The following TMEM132C variants were observed in gnomAD, a reference collection of about 807,000 sequenced individuals.
The protein encoded by TMEM132C is transmembrane protein 132C.
TMEM132C carries 29 observed loss-of-function variants against 61.4 expected under a neutral mutation model. The observed-to-expected ratio is 0.47, with a 90% CI of 0.35 to 0.64. The LOEUF is 0.64. Ranked by LOEUF, TMEM132C falls within the 30% of genes least tolerant of loss-of-function variation. The pLI, the probability that TMEM132C is intolerant of heterozygous loss-of-function variation, is 0.00. For missense variants in TMEM132C, 1,408 were observed against 1,476.9 expected (o/e 0.95, Z 0.76); for synonymous variants, 656 against 633.1 (o/e 1.04, Z -0.54).
In TMEM132C at chr12:128,340,916, TTCTCTC is replaced by T. The variant is rs71989914; in HGVS notation, c.85+73453_85+73458del. 8.3e-3 allele frequency among the ~76,000 whole-genome samples: 1,066 copies of T among 128,308 alleles called. 3 individuals carry two copies. Among genetic ancestry groups the T allele is most frequent in the Middle Eastern group, 0.027 (7 of 264 alleles). 84.2% of individuals were successfully genotyped at this position (128,308 alleles called of 152,430 possible). A position where few individuals can be genotyped will look rare whatever the true frequency, so the allele number is the denominator to read the frequency against. On this transcript the variant is annotated intron_variant, in intron 1 of 8. Transcript: ENST00000435159. Reference sequence around the variant, plus strand: ...TTTCTTTCTCTCTTTCTCTCTCTCTTTCTCTCTCTCTCTCTCTCTCTCTCTCTCTTT... The same window carrying T: ...TTTCTTTCTCTCTTTCTCTCTCTCTTTCTCTCTCTCTCTCTCTCTCTCTTT...
At chr12:128,472,759 GGT>G (rs1870994566) in intron 2 of TMEM132C, among the ~76,000 whole-genome samples, 1 of 152,178 alleles carries the variant, frequency 6.6e-6, no homozygotes, top group Non-Finnish European at 1.5e-5. Flanking sequence ...TTTGAGAGCA[GGT>G]GTGCAGGCTC....
intron 4 of TMEM132C, among the ~76,000 whole-genome samples, chr12:128,616,673 G>T (rs1193964717): frequency 6.6e-6 from 1 of 152,096 alleles, no homozygotes; most frequent in Non-Finnish European, 1.5e-5. Flanking sequence ...CTGCAAACTC[G>T]GTTCCTTCTT....
chr12:128,337,184 G>A lies in TMEM132C; in HGVS notation c.85+69697G>A, dbSNP rs553621071. Among the ~76,000 whole-genome samples, 10 of 151,962 alleles carry A rather than the reference G, an allele frequency of 6.6e-5. No individual in the cohort carries two copies. In the South Asian group the frequency reaches 1.2e-3, roughly 19 times the overall value. The stretch of plus-strand genomic sequence containing the variant: ...TTTTTTTTTCATGGTCTCTGATCTC[G>A]TTAGCATGTTCTTTCATTACTACAG... On this transcript the variant is annotated intron_variant, in intron 1 of 8. Coordinates refer to ENST00000435159, the MANE Select transcript of TMEM132C (RefSeq NM_001136103.3).
chr12:128,471,591 G>A (rs1033966052), intron 2 of TMEM132C, among the ~76,000 whole-genome samples: 5 of 152,194 alleles, frequency 3.3e-5, no homozygotes, highest in African/African-American at 4.8e-5. Context: ...GCCTGTAACC[G>A]AGAAGCAGCA....
At chr12:128,554,313 G>A (rs1301217205) in intron 3 of TMEM132C, among the ~76,000 whole-genome samples, 1 of 152,202 alleles carries the variant, frequency 6.6e-6, no homozygotes, top group Admixed American at 6.5e-5. Context: ...GGCTGTGAGA[G>A]GCGGGGAGGG....
intron 2 of TMEM132C, among the ~76,000 whole-genome samples, chr12:128,419,248 G>A (rs1868896311): frequency 6.6e-6 from 1 of 152,240 alleles, no homozygotes; most frequent in Non-Finnish European, 1.5e-5. Context: ...GGCACCGTCT[G>A]CCTTAAGCTA....
chr12:128,576,381 G>A (rs1021517122), intron 3 of TMEM132C, among the ~76,000 whole-genome samples: 4 of 152,154 alleles, frequency 2.6e-5, no homozygotes, highest in Non-Finnish European at 5.9e-5. Context: ...CATTGCAAAG[G>A]GGAGGCTGAT....
chr12:128,411,008 C>CTTAGACATTTCCTCATGATTAA (rs1868517418), intron 1 of TMEM132C, among the ~76,000 whole-genome samples: 1 of 152,088 alleles, frequency 6.6e-6, no homozygotes, highest in Admixed American at 6.5e-5. Context: ...TAGAATGAAC[C>CTTAGACATTTCCTCATGATTAA]TTAGACATTT....
intron 1 of TMEM132C, among the ~76,000 whole-genome samples, chr12:128,322,274 C>T (rs1872360798): frequency 6.6e-6 from 1 of 152,208 alleles, no homozygotes; most frequent in Non-Finnish European, 1.5e-5. Context: ...AGCTGAAAGA[C>T]AACTCTGCTG....
In TMEM132C at chr12:128,705,767, G is replaced by T; in HGVS notation, c.2799G>T (p.Val933=). 1 of 1,551,526 alleles carries T rather than the reference G, an allele frequency of 6.4e-7. No individual in the cohort carries two copies. Among genetic ancestry groups the T allele is most frequent in the Non-Finnish European group, 8.7e-7 (1 of 1,147,026 alleles). ...TAGGGATGTACGCCCTCCTGGGGGT[G>T]TTCTGCCTGGCCATCCTCGTCTTCC... ...LEIGMYALLG[V]FCLAILVFLI... is the part of the protein sequence containing the mutation. Residue 933 remains valine (V), a synonymous_variant, in exon 9 of 9, where the codon GTG becomes GTT. Coordinates refer to ENST00000435159, the MANE Select transcript of TMEM132C (RefSeq NM_001136103.3).
intron 2 of TMEM132C, among the ~76,000 whole-genome samples, chr12:128,495,918 T>G (rs969463372): frequency 2.0e-5 from 3 of 152,230 alleles, no homozygotes; most frequent in African/African-American, 7.2e-5. Context: ...ATGCATTTTC[T>G]TCCTAGCCTC....
chr12:128,267,454 C>A lies in TMEM132C; in HGVS notation c.52C>A (p.Leu18Met), dbSNP rs1265533768. The change falls in exon 1 of 9, where the codon CTG (leucine) becomes ATG (methionine). Residue 18 changes from leucine (L) to methionine (M), a missense_variant. Transcript: ENST00000435159. ...PGPAAPLCGA[L>M]SLLLGALLGK... Reference sequence around the variant, plus strand: ...GCCGGCGGCGCCGCTGTGCGGGGCGCTGAGCCTGCTGCTGGGCGCGCTGCT... The same window carrying A: ...GCCGGCGGCGCCGCTGTGCGGGGCGATGAGCCTGCTGCTGGGCGCGCTGCT... 5.5e-6 allele frequency: 7 copies of A among 1,269,270 alleles called. No homozygotes were observed. Among genetic ancestry groups the A allele is most frequent in the Non-Finnish European group, 6.9e-6 (7 of 1,009,534 alleles). The allele number at this position is 1,269,270 out of a possible 1,614,324, so 78.6% of individuals were successfully genotyped here.
chr12:128,396,469 C>G (rs1487463731), intron 1 of TMEM132C, among the ~76,000 whole-genome samples: 1 of 125,800 alleles, frequency 7.9e-6, no homozygotes, highest in African/African-American at 3.8e-5. Context: ...GGCCTAAAAC[C>G]TAGATGACGG....
chr12:128,686,938 T>C (rs1954681570), intron 5 of TMEM132C, among the ~76,000 whole-genome samples: 1 of 152,098 alleles, frequency 6.6e-6, no homozygotes, highest in African/African-American at 2.4e-5. Flanking sequence ...AGCTCACACC[T>C]GTAATCCCAG....
intron 1 of TMEM132C, among the ~76,000 whole-genome samples, chr12:128,370,100 A>G (rs561653308): frequency 9.9e-5 from 15 of 152,186 alleles, no homozygotes; most frequent in Admixed American, 5.9e-4. Flanking sequence ...ATCGTACACC[A>G]TTTCATGGAA....
intron 2 of TMEM132C, among the ~76,000 whole-genome samples, chr12:128,524,124 A>G (rs180768285): frequency 7.9e-5 from 12 of 152,294 alleles, no homozygotes; most frequent in Non-Finnish European, 1.2e-4. Flanking sequence ...CTGTACTACA[A>G]CAACATAGAC....
chr12:128,699,215 C>G (rs1954786856), intron 8 of TMEM132C, among the ~76,000 whole-genome samples: 1 of 152,150 alleles, frequency 6.6e-6, no homozygotes, highest in Non-Finnish European at 1.5e-5. Flanking sequence ...AGAGATGTGC[C>G]CATTATCTGC....
Position 128,494,990 on chromosome 12 carries a change from A to G in TMEM132C, c.975-48967A>G, listed in dbSNP as rs1203468451. ...TTCTCTTGTGGGCATTTAGTGCTATAAATTTCCCTCTACACACTGCTTTGA... is the reference window on the plus strand; with the variant it reads ...TTCTCTTGTGGGCATTTAGTGCTATGAATTTCCCTCTACACACTGCTTTGA... On this transcript the variant is annotated intron_variant, in intron 2 of 8. Transcript: ENST00000435159. 5.0e-3 allele frequency among the ~76,000 whole-genome samples: 683 copies of G among 137,946 alleles called. 15 individuals are homozygous for G. Among genetic ancestry groups the G allele is most frequent in the African/African-American group, 0.017 (640 of 37,390 alleles). 90.5% of individuals were successfully genotyped at this position (137,946 alleles called of 152,430 possible). A position where few individuals can be genotyped will look rare whatever the true frequency, so the allele number is the denominator to read the frequency against.
At chr12:128,462,338 C>T (rs996197432) in intron 2 of TMEM132C, among the ~76,000 whole-genome samples, 2 of 152,166 alleles carry the variant, frequency 1.3e-5, no homozygotes, top group Admixed American at 1.3e-4. Context: ...AACTCCCAAC[C>T]TCAGGGGATC....
Sources: gnomAD v4.1 joint callset for allele counts (sites outside exome capture counted in the v4.1 genomes callset) on GRCh38, gnomAD v4.1.1 for gene constraint, MANE v1.5 for transcripts, NCBI Gene and HGNC (gene_info 2026-07-23, HGNC 2026-07-21) for gene names.